Variants in ANGPT1 observed in about 807,000 individuals in gnomAD.
ANGPT1 encodes the protein angiopoietin 1.
Under a neutral mutation model 62.2 loss-of-function variants are expected in ANGPT1, and 17 were observed. The observed-to-expected ratio is 0.27, with a 90% CI of 0.19 to 0.41. ANGPT1 has a LOEUF of 0.41. Ranked by LOEUF, ANGPT1 falls within the 10% of genes least tolerant of loss-of-function variation. ANGPT1 has a pLI of 1.00. For synonymous variants in ANGPT1, 199 were observed against 198.9 expected, an observed-to-expected ratio of 1.00 and a Z score of 0.00; for missense variants, 478 against 594.9, an observed-to-expected ratio of 0.80 and a Z score of 2.04.
intron 1 of ANGPT1, among the ~76,000 whole-genome samples, chr8:107,404,634 T>G (rs1433193): frequency 6.6e-6 from 1 of 151,914 alleles, no homozygotes; most frequent in Non-Finnish European, 1.5e-5. Flanking sequence ...TACTTTGCTA[T>G]TATAAAAGAT....
chr8:107,384,270 G>T (rs1308747463), intron 1 of ANGPT1, among the ~76,000 whole-genome samples: 1 of 152,022 alleles, frequency 6.6e-6, no homozygotes, highest in Admixed American at 6.6e-5. Flanking sequence ...ATACTCAGGT[G>T]ACTCTAAATA....
At chr8:107,294,856 CTG>C (rs1445407442) in intron 5 of ANGPT1, 1 of 152,104 alleles carries the variant, frequency 6.6e-6, no homozygotes, top group Non-Finnish European at 1.5e-5. Context: ...AGAGCAATCA[CTG>C]TAATTGATGT....
rs750383368 is a variant in ANGPT1 at position 107,497,340 on chromosome 8, G to A, written c.219C>T (p.His73=). The A allele has an allele frequency of 4.3e-6, 7 of 1,614,006 alleles. No individual in the cohort carries two copies. The highest frequency in any genetic ancestry group is 5.9e-6 in the Non-Finnish European group (7 of 1,180,008). The change falls in exon 1 of 9, where the codon CAC becomes CAT. Residue 73 remains histidine (H), a synonymous_variant. Coordinates refer to ENST00000517746, the MANE Select transcript of ANGPT1 (RefSeq NM_001146.5). ...NTNALQRDAP[H]VEPDFSSQKL... ...TCTGGGAAGAGAAATCCGGTTCCAC[G>A]TGTGGAGCATCTCTCTGCAGAGCGT...
chr8:107,409,654 T>C (rs1445941329), intron 1 of ANGPT1, among the ~76,000 whole-genome samples: 1 of 152,196 alleles, frequency 6.6e-6, no homozygotes, highest in East Asian at 1.9e-4. Context: ...GCCAATGAGA[T>C]TATAATATTT....
chr8:107,439,994 T>C (rs892552777), intron 1 of ANGPT1, among the ~76,000 whole-genome samples: 1 of 152,142 alleles, frequency 6.6e-6, no homozygotes, highest in Non-Finnish European at 1.5e-5. Context: ...GAAACCATGG[T>C]GCAGGGAAAG....
chr8:107,475,176 T>A (rs1259299713), intron 1 of ANGPT1, among the ~76,000 whole-genome samples: 1 of 151,822 alleles, frequency 6.6e-6, no homozygotes, highest in East Asian at 1.9e-4. Context: ...GCTACCTGAC[T>A]TCAAACTATA....
At chr8:107,293,865 T>C (rs777847260) in intron 6 of ANGPT1, 71 bp downstream of exon 6, 5 of 1,188,210 alleles carry the variant, frequency 4.2e-6, no homozygotes, top group Non-Finnish European at 6.0e-6. Context: ...ATACCAAGAT[T>C]CATCATATAG....
At chr8:107,388,409 C>A (rs763313334) in intron 1 of ANGPT1, among the ~76,000 whole-genome samples, 2 of 150,088 alleles carry the variant, frequency 1.3e-5, no homozygotes, top group Non-Finnish European at 3.0e-5. Flanking sequence ...AGCAAGACCC[C>A]ATTTCCAAAT....
At chr8:107,481,273 G>T (rs1812675186) in intron 1 of ANGPT1, among the ~76,000 whole-genome samples, 1 of 152,112 alleles carries the variant, frequency 6.6e-6, no homozygotes, top group Admixed American at 6.6e-5. Flanking sequence ...GGTGGCTCAT[G>T]CCTGTAATCC....
intron 1 of ANGPT1, among the ~76,000 whole-genome samples, chr8:107,386,397 A>C (rs947142824): frequency 6.6e-6 from 1 of 152,228 alleles, no homozygotes; most frequent in East Asian, 1.9e-4. Context: ...TATAAAATAA[A>C]ATTGGAAAGA....
At chr8:107,316,854 G>C (rs565976457) in intron 4 of ANGPT1, among the ~76,000 whole-genome samples, 25 of 152,174 alleles carry the variant, frequency 1.6e-4, no homozygotes, top group African/African-American at 6.0e-4. Flanking sequence ...ACTAGAACAA[G>C]CTTGCTTATA....
intron 2 of ANGPT1, among the ~76,000 whole-genome samples, chr8:107,340,756 CG>C (rs1343972182): frequency 6.6e-6 from 1 of 151,490 alleles, no homozygotes; most frequent in African/African-American, 2.4e-5. Flanking sequence ...AGCCTCCTAA[CG>C]TGCTGGGATA....
intron 1 of ANGPT1, among the ~76,000 whole-genome samples, chr8:107,478,869 T>C (rs1178199454): frequency 1.3e-5 from 2 of 152,296 alleles, no homozygotes; most frequent in East Asian, 1.9e-4. Flanking sequence ...AAAGTATCTG[T>C]CCCAGAGTTT....
chr8:107,340,161 T>C (rs191902228), intron 2 of ANGPT1, among the ~76,000 whole-genome samples: 4 of 152,216 alleles, frequency 2.6e-5, no homozygotes, highest in Admixed American at 6.5e-5. Context: ...TCCATTAAAA[T>C]GACAAAAGAC....
chr8:107,367,101 T>C (rs1252250031), intron 1 of ANGPT1, among the ~76,000 whole-genome samples: 1 of 152,110 alleles, frequency 6.6e-6, no homozygotes, highest in Admixed American at 6.6e-5. Context: ...ACAAACTATA[T>C]GAGATGATAA....
intron 5 of ANGPT1, among the ~76,000 whole-genome samples, chr8:107,297,777 A>T (rs1179310407): frequency 2.0e-5 from 3 of 151,124 alleles, no homozygotes; most frequent in Non-Finnish European, 3.0e-5. Flanking sequence ...ATACACACAC[A>T]CACGCATACA....
chr8:107,424,040 C>T (rs539074403), intron 1 of ANGPT1, among the ~76,000 whole-genome samples: 1 of 151,538 alleles, frequency 6.6e-6, no homozygotes, highest in Non-Finnish European at 1.5e-5. Context: ...AGGGTTTCAC[C>T]ATGTTGGCTA....
At position 107,349,992 on chromosome 8, in the gene ANGPT1, C is replaced by T. The variant is rs565195380; in HGVS notation, c.298-2895G>A. Among the ~76,000 whole-genome samples, 8 of 152,152 alleles carry T rather than the reference C, an allele frequency of 5.3e-5. No homozygotes were observed. The South Asian group carries it at 1.7e-3, about 32-fold the overall frequency. The stretch of plus-strand genomic sequence containing the variant: ...CCATAGAACAACTGCCTGTATGAGA[C>T]CTGCTTGTGAACAGTCAGCCATGAA... On this transcript the variant is annotated intron_variant, in intron 1 of 8. Coordinates refer to ENST00000517746, the MANE Select transcript of ANGPT1 (RefSeq NM_001146.5).
At chr8:107,421,915 A>T (rs371558563) in intron 1 of ANGPT1, among the ~76,000 whole-genome samples, 1 of 152,168 alleles carries the variant, frequency 6.6e-6, no homozygotes, top group African/African-American at 2.4e-5. Context: ...TCTCTGGGAC[A>T]TTATTATTTG....
Sources: allele counts gnomAD v4.1 joint callset (sites outside exome capture counted in the v4.1 genomes callset), GRCh38; gene constraint gnomAD v4.1.1; transcripts MANE v1.5; gene names NCBI Gene and HGNC (gene_info 2026-07-23, HGNC 2026-07-21).